Variants in TNXB observed in about 807,000 individuals in gnomAD.
TNXB encodes tenascin-X.
In TNXB, 183 loss-of-function variants were observed where a neutral mutation model predicts 340.5. The observed-to-expected ratio is 0.54, with a 90% confidence interval of 0.48 to 0.61. The LOEUF is 0.61. TNXB is among the 20% of genes least tolerant of loss of function. The probability of loss-of-function intolerance (pLI) is 0.00; values close to 1 mark genes in which losing one functional copy is unlikely to be tolerated. For synonymous variants in TNXB, 2,121 were observed against 2,314.5 expected (o/e 0.92, Z 2.40); for missense variants, 4,613 against 5,446.4 (o/e 0.85, Z 4.82).
chr6:32,100,306 T>G (rs1187218653), intron 1 of TNXB, among the ~76,000 whole-genome samples: 1 of 152,112 alleles, frequency 6.6e-6, no homozygotes, highest in Admixed American at 6.6e-5. Flanking sequence ...GGCTTCACTA[T>G]GTTGGCCAGG....
At chr6:32,092,436 G>C (rs204897) in intron 4 of TNXB, among the ~76,000 whole-genome samples, 23,167 of 152,128 alleles carry the variant, frequency 0.15, 2,329 homozygotes, top group South Asian at 0.3. Flanking sequence ...AGTGCTTCTG[G>C]GAAGAGGGAA....
At position 32,097,454 on chromosome 6, in the gene TNXB, A is replaced by T; in HGVS notation, c.404-5T>A. On this transcript the variant is annotated splice_region_variant and splice_polypyrimidine_tract_variant and intron_variant, in intron 2 of 43. Transcript: ENST00000644971. The surrounding 1 kb of genome is among the most constrained non-coding windows in gnomAD (Gnocchi z 5.9). ...GGGTCCGCACATCTGTCTGACCTGG[A>T]GTAGGAGGGGAGAGGCAAGTCTCAG... 1 of 1,585,648 alleles carries T rather than the reference A, an allele frequency of 6.3e-7. No homozygotes were observed. Among genetic ancestry groups the T allele is most frequent in the Non-Finnish European group, 8.6e-7 (1 of 1,168,286 alleles).
In TNXB at chr6:32,061,294, A is replaced by G; in HGVS notation, c.7492+103T>C. The G allele has an allele frequency of 2.0e-6, 3 of 1,497,998 alleles. No individual in the cohort carries two copies. The highest frequency in any genetic ancestry group is 2.5e-5 in the South Asian group (2 of 78,540). The allele number at this position is 1,497,998 out of a possible 1,614,324, so 92.8% of individuals were successfully genotyped here. Reference sequence around the variant, plus strand: ...AGGGCACAGAGGGAGGGCAGGACACAGGAGACAAGTCTGGACCCACAGGGC... The same window carrying G: ...AGGGCACAGAGGGAGGGCAGGACACGGGAGACAAGTCTGGACCCACAGGGC... On this transcript the variant is annotated intron_variant, in intron 21 of 43. Transcript: ENST00000644971. The surrounding 1 kb of genome is among the most constrained non-coding windows in gnomAD (Gnocchi z 4.4).
chr6:32,081,243 G>A lies in TNXB; in HGVS notation c.4042+125C>T. The A allele has an allele frequency of 2.2e-6, 2 of 910,298 alleles. No homozygotes were observed. Among genetic ancestry groups the A allele is most frequent in the Non-Finnish European group, 3.3e-6 (2 of 607,434 alleles). 56.4% of individuals were successfully genotyped at this position (910,298 alleles called of 1,614,324 possible). ...ACAGGAGAGCAGTGCGGGAGGAAGT[G>A]GGTGGAGGCTTTGGCAAAATGAGCT... is the stretch of plus-strand genomic sequence containing the variant. On this transcript the variant is annotated intron_variant, in intron 10 of 43. Transcript: ENST00000644971. The surrounding 1 kb of genome is among the most constrained non-coding windows in gnomAD (Gnocchi z 5.1).
chr6:32,056,498 C>T (rs1214956651), intron 23 of TNXB, 88 bp downstream of exon 23: 11 of 1,547,004 alleles, frequency 7.1e-6, no homozygotes, highest in Non-Finnish European at 9.6e-6. Flanking sequence ...TGACCGGACC[C>T]CTGGCCCATT....
rs1779692188 is a variant in TNXB, at chr6:32,085,036, C to G, written c.3149-327G>C. ...GCAGCATCAGAGCAGTCTGAAAGCT[C>G]CTCTGCCCACCTGAGCTGCTGTCTC... On this transcript the variant is annotated intron_variant, in intron 7 of 43. Coordinates refer to ENST00000644971, the MANE Select transcript of TNXB (RefSeq NM_001365276.2). This position sits in a 1 kb window ranked among gnomAD's most constrained non-coding sequence, Gnocchi z 6.4. Among the ~76,000 whole-genome samples, 1 of 152,166 alleles carries G rather than the reference C, an allele frequency of 6.6e-6. No homozygotes were observed. Among genetic ancestry groups the G allele is most frequent in the African/African-American group, 2.4e-5 (1 of 41,416 alleles).
chr6:32,070,489 C>A lies in TNXB; in HGVS notation c.4991-75G>T. On this transcript the variant is annotated intron_variant, in intron 13 of 43. Coordinates refer to ENST00000644971, the MANE Select transcript of TNXB (RefSeq NM_001365276.2). The surrounding 1 kb of genome is among the most constrained non-coding windows in gnomAD (Gnocchi z 6.0). ...CTGCCTCCCTCTGGGGCTGGAAAAA[C>A]CCAGAACTGCCCAAATGCTCAGTGC... The A allele has an allele frequency of 7.1e-7, 1 of 1,411,370 alleles. No individual in the cohort carries two copies. Among genetic ancestry groups the A allele is most frequent in the African/African-American group, 1.4e-5 (1 of 69,246 alleles). The allele number at this position is 1,411,370 out of a possible 1,614,324, so 87.4% of individuals were successfully genotyped here.
At chr6:32,104,192 T>C (rs902108308) in intron 1 of TNXB, among the ~76,000 whole-genome samples, 4 of 152,214 alleles carry the variant, frequency 2.6e-5, no homozygotes, top group African/African-American at 9.7e-5. Context: ...AACAAATTTC[T>C]ACTAAATTAA....
chr6:32,046,449 C>A lies in TNXB; in HGVS notation c.10332G>T (p.Leu3444=). Reference sequence around the variant, plus strand: ...CCAGGTGGGGAGGTAGCTCCTTCTCCAGGGGAGCTGTGCAGAGGGAGGAGG... The same window carrying A: ...CCAGGTGGGGAGGTAGCTCCTTCTCAAGGGGAGCTGTGCAGAGGGAGGAGG... ...PISADSTTAP[L]EKELPPHLGE... Residue 3444 remains leucine (L), a synonymous_variant, in exon 31 of 44, where the codon CTG becomes CTT. Coordinates refer to ENST00000644971, the MANE Select transcript of TNXB (RefSeq NM_001365276.2). The surrounding 1 kb of genome is among the most constrained non-coding windows in gnomAD (Gnocchi z 6.9). 6.4e-7 allele frequency: 1 copy of A among 1,572,856 alleles called. No homozygotes were observed. Among genetic ancestry groups the A allele is most frequent in the Non-Finnish European group, 8.7e-7 (1 of 1,152,498 alleles).
At position 32,042,468 on chromosome 6, in the gene TNXB, C is replaced by A; in HGVS notation, c.12197G>T (p.Gly4066Val). Residue 4066 changes from glycine to valine, a missense_variant, in exon 40 of 44, where the codon GGG becomes GTG. Gly to Val is a moderately radical substitution (Grantham distance 109). This residue lies in a region of TNXB where 121 missense variants were observed against 177.4 expected (regional missense o/e 0.68). Transcript: ENST00000644971. Reference sequence around the variant, plus strand: ...AATGCCACCCACCAGCCAGCCGCCCCCATCAGTCTCCATGTCGCAAAACAC... The same window carrying A: ...AATGCCACCCACCAGCCAGCCGCCCACATCAGTCTCCATGTCGCAAAACAC... ...LNVFCDMETD[G>V]GGWLVFQRRM... is the part of the protein sequence containing the mutation. The A allele has an allele frequency of 6.2e-7, 1 of 1,612,434 alleles. No homozygotes were observed. Among genetic ancestry groups the A allele is most frequent in the Non-Finnish European group, 8.5e-7 (1 of 1,179,910 alleles).
chr6:32,062,200 G>A lies in TNXB; in HGVS notation c.7125C>T (p.His2375=), dbSNP rs372616750. Residue 2375 remains histidine, a synonymous_variant, in exon 20 of 44, where the codon CAC becomes CAT. Coordinates refer to ENST00000644971, the MANE Select transcript of TNXB (RefSeq NM_001365276.2). This position sits in a 1 kb window ranked among gnomAD's most constrained non-coding sequence, Gnocchi z 4.3. ...NKYKMNLYGF[H]GGQRVGPVSA... ...ACACGGGGCCCACACGCTGGCCACC[G>A]TGGAAGCCGTACAGGTTCATCTTGT... The A allele has an allele frequency of 2.7e-5, 44 of 1,612,522 alleles. 1 individual carries two copies. In the East Asian group the frequency reaches 6.0e-4, roughly 22 times the overall value.
chr6:32,048,769 G>C, intron 28 of TNXB, 119 bp from the exon 29 acceptor site: 2 of 1,056,040 alleles, frequency 1.9e-6, no homozygotes, highest in Non-Finnish European at 1.2e-6. Context: ...GCTTGTTTTA[G>C]AATCTGTGCC....
At chr6:32,093,542 G>A (rs1052331856) in intron 4 of TNXB, 16 of 559,376 alleles carry the variant, frequency 2.9e-5, no homozygotes, top group Admixed American at 1.8e-4. Flanking sequence ...AGTGCCTTCC[G>A]AGGCTTTAGG....
At position 32,084,286 on chromosome 6, in the gene TNXB, T is replaced by C; in HGVS notation, c.3445+127A>G. On this transcript the variant is annotated intron_variant, in intron 8 of 43. Transcript: ENST00000644971. The surrounding 1 kb of genome is among the most constrained non-coding windows in gnomAD (Gnocchi z 5.5). ...TGCCTGCCCCACCACTACTTTCCCT[T>C]CAGAATTCAGCTCATGCACCACTGC... is the stretch of plus-strand genomic sequence containing the variant. 1 of 941,482 alleles carries C rather than the reference T, an allele frequency of 1.1e-6. No individual in the cohort carries two copies. Among genetic ancestry groups the C allele is most frequent in the South Asian group, 2.3e-5 (1 of 44,022 alleles). 58.3% of individuals were successfully genotyped at this position (941,482 alleles called of 1,614,324 possible). A position where few individuals can be genotyped will look rare whatever the true frequency, so the allele number is the denominator to read the frequency against.
At chr6:32,092,826 T>G in intron 4 of TNXB, among the ~76,000 whole-genome samples, 1 of 150,516 alleles carries the variant, frequency 6.6e-6, no homozygotes, top group African/African-American at 2.5e-5. Context: ...CCAAGAGGAG[T>G]GTCTGGGGAC....
In TNXB at chr6:32,086,054, C is replaced by T. The variant is rs936660095; in HGVS notation, c.2844G>A (p.Thr948=). 27 of 1,595,548 alleles carry T rather than the reference C, an allele frequency of 1.7e-5. No homozygotes were observed. Among genetic ancestry groups the T allele is most frequent in the Middle Eastern group, 3.5e-4 (2 of 5,782 alleles). The part of the protein sequence containing the change: ...DEPPPSGPST[T]QGAQAPLLQQ... ...GCAGGAGAGGAGCCTGGGCCCCTTG[C>T]GTCGTCGAGGGGCCTGAGGGAGGAG... is the stretch of plus-strand genomic sequence containing the variant. Residue 948 remains threonine (T), a synonymous_variant, in exon 7 of 44, where the codon ACG becomes ACA. Transcript: ENST00000644971.
In TNXB at chr6:32,090,823, A is replaced by G. The variant is rs1023726983; in HGVS notation, c.2359-1444T>C. 6.6e-6 allele frequency among the ~76,000 whole-genome samples: 1 copy of G among 152,114 alleles called. No individual in the cohort carries two copies. Among genetic ancestry groups the G allele is most frequent in the African/African-American group, 2.4e-5 (1 of 41,416 alleles). On this transcript the variant is annotated intron_variant, in intron 4 of 43. Transcript: ENST00000644971. The surrounding 1 kb of genome is among the most constrained non-coding windows in gnomAD (Gnocchi z 4.3). ...GACCCATGAAATCCTTACCCTTCCC[A>G]GAATTTATTTGTTCATTTTCTCTGT...
chr6:32,095,576 G>T, intron 3 of TNXB, 35 bp downstream of exon 3: 2 of 1,586,184 alleles, frequency 1.3e-6, no homozygotes, highest in Non-Finnish European at 1.7e-6. Context: ...CAGAATCACA[G>T]TCCCAGAGTA....
In TNXB at chr6:32,067,132, GAAGAAAGAAAGA is replaced by G. The variant is rs9281648; in HGVS notation, c.6544+517_6544+528del. Among the ~76,000 whole-genome samples the G allele has an allele frequency of 0.021, 2,422 of 118,058 alleles. 31 individuals are homozygous for G. The highest frequency in any genetic ancestry group is 0.035 in the South Asian group (121 of 3,420). The allele number at this position is 118,058 out of a possible 152,430, so 77.5% of individuals were successfully genotyped here. A position where few individuals can be genotyped will look rare whatever the true frequency, so the allele number is the denominator to read the frequency against. On this transcript the variant is annotated intron_variant, in intron 18 of 43. Transcript: ENST00000644971. This position sits in a 1 kb window ranked among gnomAD's most constrained non-coding sequence, Gnocchi z 4.2. ...AAGAAAGAGAAAGAAAGAAAGGAAG[GAAGAAAGAAAGA>G]AAGAAAGAAAGAAAGAAAGAAAGAA...
Sources: gnomAD v4.1 joint callset for allele counts (sites outside exome capture counted in the v4.1 genomes callset) on GRCh38, gnomAD v4.1.1 for gene constraint, gnomAD v4.1.1 regional missense constraint, Gnocchi (gnomAD v3.1) non-coding constraint, MANE v1.5 for transcripts, NCBI Gene and HGNC (gene_info 2026-07-23, HGNC 2026-07-21) for gene names.